The following PMPCB variants were observed in gnomAD, a reference collection of about 807,000 sequenced individuals.
PMPCB encodes mitochondrial-processing peptidase subunit beta.
In PMPCB, 46 loss-of-function variants were observed where a neutral mutation model predicts 61.5. That is an observed-to-expected ratio of 0.75 (90% CI 0.59 to 0.96). The LOEUF (loss-of-function observed/expected upper bound fraction) is 0.96. Ranked by LOEUF, PMPCB falls within the 40% of genes least tolerant of loss-of-function variation. The pLI is 0.00. For missense variants in PMPCB, 590 were observed against 602.4 expected (o/e 0.98, Z 0.22); for synonymous variants, 191 against 201.6 (o/e 0.95, Z 0.44).
chr7:103,344,702 C>T, the PMPCB span: 17 of 1,458,338 alleles, frequency 1.2e-5, no homozygotes, highest in Admixed American at 1.5e-4. Context: ...CCAGCTCTAC[C>T]TCTCACTCCG....
rs1423747566 is a variant in PMPCB, at chr7:103,312,320, C to T, written c.*49C>T. 4 of 1,598,336 alleles carry T rather than the reference C, an allele frequency of 2.5e-6. No individual in the cohort carries two copies. The highest frequency in any genetic ancestry group is 3.4e-6 in the Non-Finnish European group (4 of 1,178,150). On this transcript the variant is annotated 3_prime_UTR_variant, in exon 13 of 13. Transcript: ENST00000249269. ...GAACACATGTATTTATAAAACAGAG[C>T]TAGAGAAAAATAAAAATGAACATGT...
At chr7:103,303,070 G>C (rs1817491200) in intron 4 of PMPCB, among the ~76,000 whole-genome samples, 1 of 151,956 alleles carries the variant, frequency 6.6e-6, no homozygotes, top group South Asian at 2.1e-4. Flanking sequence ...TTCACTTTTG[G>C]CTTTTTGCAA....
At chr7:103,324,262 C>T (rs1309956996) in intron 12 of PMPCB, among the ~76,000 whole-genome samples, 2 of 152,080 alleles carry the variant, frequency 1.3e-5, no homozygotes, top group Non-Finnish European at 1.5e-5. Flanking sequence ...CAAATGACTC[C>T]CCAATTTTCA....
the PMPCB span, among the ~76,000 whole-genome samples, chr7:103,346,830 G>A: frequency 6.7e-6 from 1 of 148,466 alleles, no homozygotes; most frequent in Admixed American, 6.6e-5. Context: ...GTGTGTGTGT[G>A]TGTGTGTGTG....
rs528116984 is a variant in PMPCB, at chr7:103,309,084, G to C, written c.982G>C (p.Gly328Arg). 12 of 1,600,014 alleles carry C rather than the reference G, an allele frequency of 7.5e-6. No homozygotes were observed. Among genetic ancestry groups the C allele is most frequent in the Non-Finnish European group, 1.0e-5 (12 of 1,173,598 alleles). The change falls in exon 8 of 13, where the codon GGG becomes CGG. Residue 328 changes from glycine to arginine, a missense_variant. Coordinates refer to ENST00000249269, the MANE Select transcript of PMPCB (RefSeq NM_004279.3). ...TLIGNWDRSF[G>R]GGMNLSSKLA... ...GATTGGCAACTGGGATCGCTCTTTT[G>C]GGGGAGGAATGGTAAGTGATTTTAA...
chr7:103,324,926 A>C (rs541561024), intron 12 of PMPCB, among the ~76,000 whole-genome samples: 1 of 152,264 alleles, frequency 6.6e-6, no homozygotes, highest in East Asian at 1.9e-4. Flanking sequence ...GCACAACAAC[A>C]ACCTGTAGGC....
At chr7:103,326,053 A>G (rs1358008639) in intron 12 of PMPCB, among the ~76,000 whole-genome samples, 4 of 151,914 alleles carry the variant, frequency 2.6e-5, no homozygotes, top group Admixed American at 1.3e-4. Flanking sequence ...ACCTCGGCTC[A>G]CTGCAACCAC....
downstream of PMPCB, chr7:103,319,515 C>T (rs1818264082): frequency 2.6e-6 from 3 of 1,132,670 alleles, no homozygotes; most frequent in Non-Finnish European, 4.0e-6. Context: ...ATCAGATACT[C>T]CCTGCACTTG....
At position 103,305,697 on chromosome 7, in the gene PMPCB, C is replaced by G. The variant is rs79376317; in HGVS notation, c.736+1207C>G. 3.8e-3 allele frequency among the ~76,000 whole-genome samples: 574 copies of G among 152,262 alleles called. 4 individuals carry two copies. The highest frequency in any genetic ancestry group is 0.014 in the African/African-American group (565 of 41,550). ...ATTGATTTCTGAGCTAAGTACCTGG[C>G]GGGTAATGGAGAAGATGAAAACATT... On this transcript the variant is annotated intron_variant, in intron 6 of 12. Transcript: ENST00000249269.
At chr7:103,322,589 T>C in intron 12 of PMPCB, 1 of 1,611,078 alleles carries the variant, frequency 6.2e-7, no homozygotes, top group Non-Finnish European at 8.5e-7. Flanking sequence ...CTTTTTCTTC[T>C]TCCTTGAACT....
intron 12 of PMPCB, chr7:103,320,890 TAAAGA>T (rs1818369306): frequency 6.2e-6 from 1 of 161,116 alleles, no homozygotes; most frequent in Admixed American, 6.7e-5. Context: ...ATTTGCATAG[TAAAGA>T]AAAGAAATAC....
chr7:103,311,646 G>T lies in PMPCB; in HGVS notation c.1158G>T (p.Met386Ile). Residue 386 changes from methionine to isoleucine, a missense_variant, in exon 10 of 13, where the codon ATG becomes ATT. Physicochemically the swap from Met to Ile is conservative, Grantham distance 10. Coordinates refer to ENST00000249269, the MANE Select transcript of PMPCB (RefSeq NM_004279.3). ...DMLHVVQKEW[M>I]RLCTSVTESE... ...ACTGTTTTTCCACGTTTTTTAGGAT[G>T]CGACTCTGTACAAGTGTCACAGAAA... is the stretch of plus-strand genomic sequence containing the variant. 1 of 1,612,236 alleles carries T rather than the reference G, an allele frequency of 6.2e-7. No homozygotes were observed. The highest frequency in any genetic ancestry group is 8.5e-7 in the Non-Finnish European group (1 of 1,179,002).
chr7:103,338,277 T>G, the PMPCB span, among the ~76,000 whole-genome samples: 2 of 150,754 alleles, frequency 1.3e-5, no homozygotes, highest in Non-Finnish European at 3.0e-5. Flanking sequence ...CTTTTTTTTT[T>G]TTTTTTTAAT....
intron 1 of PMPCB, 49 bp from the exon 2 acceptor site, chr7:103,298,519 A>G (rs1817355785): frequency 1.3e-6 from 2 of 1,563,240 alleles, no homozygotes; most frequent in African/African-American, 1.4e-5. Flanking sequence ...TTAATATCAG[A>G]TTAGTAATGT....
intron 6 of PMPCB, among the ~76,000 whole-genome samples, chr7:103,305,993 G>C (rs978411077): frequency 3.9e-5 from 6 of 152,152 alleles, no homozygotes; most frequent in Non-Finnish European, 8.8e-5. Flanking sequence ...CTAAAATTGA[G>C]ATATCTTTAG....
intron 12 of PMPCB, chr7:103,327,256 C>G (rs1227379136): frequency 2.0e-5 from 15 of 739,708 alleles, no homozygotes; most frequent in Non-Finnish European, 2.6e-5. Context: ...ATCTAAGGAA[C>G]AGTTTAGTCC....
chr7:103,297,699 G>A, intron 1 of PMPCB, 141 bp downstream of exon 1: 1 of 1,536,466 alleles, frequency 6.5e-7, no homozygotes, highest in South Asian at 1.2e-5. Context: ...CAGGCGGCCT[G>A]GGGCTGCTGA....
chr7:103,312,972 T>A lies in PMPCB; in HGVS notation c.*701T>A. 1 of 1,613,928 alleles carries A rather than the reference T, an allele frequency of 6.2e-7. No homozygotes were observed. Among genetic ancestry groups the A allele is most frequent in the Non-Finnish European group, 8.5e-7 (1 of 1,179,912 alleles). ...CTTGTATCGTTTCATGCAGTCCTTC[T>A]TTGTCCTGCCAGGCACCGCTTCTGC... On this transcript the variant is annotated 3_prime_UTR_variant, in exon 13 of 13. Transcript: ENST00000249269.
At chr7:103,298,320 T>G (rs564203032) in intron 1 of PMPCB, among the ~76,000 whole-genome samples, 28 of 152,060 alleles carry the variant, frequency 1.8e-4, no homozygotes, top group Admixed American at 4.6e-4. Context: ...TCTCTCTGGG[T>G]AATGATAATA....
Sources: allele counts gnomAD v4.1 joint callset (sites outside exome capture counted in the v4.1 genomes callset), GRCh38; gene constraint gnomAD v4.1.1; transcripts MANE v1.5; gene names NCBI Gene and HGNC (gene_info 2026-07-23, HGNC 2026-07-21).